Variants in PDE7B observed in about 807,000 individuals in gnomAD.
The protein encoded by PDE7B is 3',5'-cyclic-AMP phosphodiesterase 7B.
In PDE7B, 29 loss-of-function variants were observed where a neutral mutation model predicts 56.2. The ratio of observed to expected loss-of-function variants is 0.52; its 90% confidence interval spans 0.38 to 0.70. PDE7B has a LOEUF of 0.70. Ranked by LOEUF, PDE7B falls within the 30% of genes least tolerant of loss-of-function variation. The probability of loss-of-function intolerance (pLI) is 0.00; values close to 1 mark genes in which losing one functional copy is unlikely to be tolerated. For missense variants in PDE7B, 490 were observed against 565.0 expected, an observed-to-expected ratio of 0.87 and a Z score of 1.35; for synonymous variants, 197 against 196.9, an observed-to-expected ratio of 1.00 and a Z score of 0.00.
At chr6:136,057,893 C>T (rs747000650) in intron 2 of PDE7B, among the ~76,000 whole-genome samples, 97 of 152,152 alleles carry the variant, frequency 6.4e-4, no homozygotes, top group Non-Finnish European at 9.9e-4. Context: ...TGCACCACCT[C>T]GCCTGACTAA....
chr6:135,973,263 G>A (rs527263677), intron 2 of PDE7B, among the ~76,000 whole-genome samples: 1 of 152,170 alleles, frequency 6.6e-6, no homozygotes, highest in Non-Finnish European at 1.5e-5. Context: ...ATTTCACTTA[G>A]CATAATGTCC....
chr6:135,989,558 G>A (rs1454884362), intron 2 of PDE7B, among the ~76,000 whole-genome samples: 1 of 152,134 alleles, frequency 6.6e-6, no homozygotes, highest in African/African-American at 2.4e-5. Flanking sequence ...AGGTTGTGGT[G>A]AGCTGAGATG....
chr6:136,135,605 CAGTA>C (rs1213858923), intron 3 of PDE7B, among the ~76,000 whole-genome samples: 10 of 151,818 alleles, frequency 6.6e-5, no homozygotes. Context: ...AGAATAGACA[CAGTA>C]AGAAATAAAC....
chr6:136,012,888 A>C (rs911119002), intron 2 of PDE7B, among the ~76,000 whole-genome samples: 1 of 152,226 alleles, frequency 6.6e-6, no homozygotes, highest in Non-Finnish European at 1.5e-5. Context: ...TTCAAACATG[A>C]ACTTTTTTCT....
intron 2 of PDE7B, among the ~76,000 whole-genome samples, chr6:135,967,932 A>G (rs1247180934): frequency 6.6e-6 from 1 of 152,062 alleles, no homozygotes; most frequent in Non-Finnish European, 1.5e-5. Flanking sequence ...AAAGTCAATG[A>G]CTCCTGTAGA....
At chr6:136,181,475 A>C (rs1346870824) in intron 11 of PDE7B, 152 bp downstream of exon 11, 2 of 592,438 alleles carry the variant, frequency 3.4e-6, no homozygotes, top group African/African-American at 1.8e-5. Context: ...CTTGGAACTC[A>C]TCCAACCCTT....
chr6:136,133,039 AAC>A (rs979758638), intron 3 of PDE7B, among the ~76,000 whole-genome samples: 1 of 152,162 alleles, frequency 6.6e-6, no homozygotes. Context: ...ACATATAAAA[AAC>A]ACATAATTAA....
At chr6:135,994,018 C>G in intron 2 of PDE7B, among the ~76,000 whole-genome samples, 1 of 152,068 alleles carries the variant, frequency 6.6e-6, no homozygotes, top group East Asian at 1.9e-4. Flanking sequence ...CCCAGTTTCT[C>G]AGTTCTGTTT....
At chr6:135,949,728 C>CT (rs570312122) in intron 2 of PDE7B, among the ~76,000 whole-genome samples, 4 of 151,952 alleles carry the variant, frequency 2.6e-5, no homozygotes, top group Non-Finnish European at 5.9e-5. Flanking sequence ...TTAGATTTCC[C>CT]TTTTTTTCGT....
intron 1 of PDE7B, among the ~76,000 whole-genome samples, chr6:135,882,123 C>G: frequency 6.6e-6 from 1 of 152,170 alleles, no homozygotes; most frequent in East Asian, 1.9e-4. Flanking sequence ...GCAGGAGCAG[C>G]TGGCCTGATT....
At chr6:135,890,254 A>G (rs187912946) in intron 1 of PDE7B, among the ~76,000 whole-genome samples, 2 of 152,366 alleles carry the variant, frequency 1.3e-5, no homozygotes, top group Admixed American at 6.5e-5. Flanking sequence ...GATATGGTGG[A>G]CAAGCGAAGA....
Position 136,179,079 on chromosome 6 carries a change from G to T in PDE7B, c.886G>T (p.Ala296Ser). ...RQNEFLTRLK[A>S]HLHNKDLRLE... ...GAATGAATTTTTGACCAGATTGAAA[G>T]CTCACCTCCACAATAAAGACTTAAG... Residue 296 changes from alanine (A) to serine (S), a missense_variant, in exon 10 of 13, where the codon GCT becomes TCT. Coordinates refer to ENST00000308191, the MANE Select transcript of PDE7B (RefSeq NM_018945.4). 6.2e-7 allele frequency: 1 copy of T among 1,614,052 alleles called. No individual in the cohort carries two copies. The highest frequency in any genetic ancestry group is 8.5e-7 in the Non-Finnish European group (1 of 1,179,912).
chr6:135,912,221 T>C (rs1225912386), intron 1 of PDE7B, among the ~76,000 whole-genome samples: 1 of 152,148 alleles, frequency 6.6e-6, no homozygotes, highest in East Asian at 1.9e-4. Flanking sequence ...AGTACAGTTC[T>C]CTCTCTGTAT....
intron 1 of PDE7B, among the ~76,000 whole-genome samples, chr6:135,910,891 T>C (rs9483891): frequency 0.27 from 40,339 of 151,806 alleles, 6,694 homozygotes; most frequent in African/African-American, 0.47. Context: ...TCCCCAAGAG[T>C]AACCCCATAT....
chr6:136,163,448 T>C (rs1778742557), intron 8 of PDE7B, among the ~76,000 whole-genome samples: 1 of 152,214 alleles, frequency 6.6e-6, no homozygotes, highest in Non-Finnish European at 1.5e-5. Flanking sequence ...CCCTAGGCCC[T>C]GGCCCAGGAA....
intron 3 of PDE7B, among the ~76,000 whole-genome samples, chr6:136,109,378 C>G (rs931407587): frequency 1.3e-5 from 2 of 152,198 alleles, no homozygotes; most frequent in African/African-American, 4.8e-5. Flanking sequence ...ATGCCCTATA[C>G]AGGGAAGCTA....
intron 8 of PDE7B, among the ~76,000 whole-genome samples, chr6:136,159,650 A>G (rs1051914782): frequency 6.6e-6 from 1 of 152,156 alleles, no homozygotes; most frequent in East Asian, 1.9e-4. Context: ...AGCAGCCTCC[A>G]TTATCTCCTA....
intron 2 of PDE7B, among the ~76,000 whole-genome samples, chr6:136,055,996 C>T (rs1374710664): frequency 6.6e-6 from 1 of 152,024 alleles, no homozygotes; most frequent in Non-Finnish European, 1.5e-5. Flanking sequence ...AAAGTAACAC[C>T]GGCTTTTTAA....
chr6:136,004,935 G>A lies in PDE7B; in HGVS notation c.82+57411G>A, dbSNP rs376336132. 5.9e-5 allele frequency among the ~76,000 whole-genome samples: 9 copies of A among 151,504 alleles called. 1 individual carries two copies. In the South Asian group the frequency reaches 6.3e-4, roughly 11 times the overall value. On this transcript the variant is annotated intron_variant, in intron 2 of 12. Coordinates refer to ENST00000308191, the MANE Select transcript of PDE7B (RefSeq NM_018945.4). ...AAAAGAACAAAGCTGGAGGCATCAC[G>A]CTACCTGACTTCAAACTATACTACA...
Sources: gnomAD v4.1 joint callset for allele counts (sites outside exome capture counted in the v4.1 genomes callset) on GRCh38, gnomAD v4.1.1 for gene constraint, MANE v1.5 for transcripts, NCBI Gene and HGNC (gene_info 2026-07-23, HGNC 2026-07-21) for gene names.